Variants in AHNAK observed in about 807,000 individuals in gnomAD.
AHNAK encodes the protein neuroblast differentiation-associated protein AHNAK.
In AHNAK, 23 loss-of-function variants were observed where a neutral mutation model predicts 37.8. The ratio of observed to expected loss-of-function variants is 0.61; its 90% CI spans 0.44 to 0.86. The LOEUF (loss-of-function observed/expected upper bound fraction) is 0.86. AHNAK is among the 40% of genes least tolerant of loss of function. AHNAK has a pLI of 0.00. For synonymous variants in AHNAK, 2,481 were observed against 2,636.3 expected, an observed-to-expected ratio of 0.94 and a Z score of 1.80; for missense variants, 7,411 against 7,319.4, an observed-to-expected ratio of 1.01 and a Z score of -0.46.
In AHNAK at chr11:62,532,982, G is replaced by A. The variant is rs777539524; in HGVS notation, c.1435C>T (p.Leu479=). 1 of 1,613,998 alleles carries A rather than the reference G, an allele frequency of 6.2e-7. No individual in the cohort carries two copies. Among genetic ancestry groups the A allele is most frequent in the Non-Finnish European group, 8.5e-7 (1 of 1,180,008 alleles). ...VSLPEIATGG[L]EGKMKGTKVK... Reference sequence around the variant, plus strand: ...TTAGTACCTTTCATCTTTCCTTCCAGCCCACCAGTAGCAATCTCAGGCAGG... The same window carrying A: ...TTAGTACCTTTCATCTTTCCTTCCAACCCACCAGTAGCAATCTCAGGCAGG... The change falls in exon 5 of 5, where the codon CTG becomes TTG. Residue 479 remains leucine, a synonymous_variant. Coordinates refer to ENST00000378024, the MANE Select transcript of AHNAK (RefSeq NM_001620.3).
chr11:62,439,665 ATT>A (rs34334316), intron 5 of AHNAK, among the ~76,000 whole-genome samples: 2,376 of 83,150 alleles, frequency 0.029, 57 homozygotes, highest in African/African-American at 0.077. Context: ...TTTTTGTGTG[ATT>A]TTTTTTTTTT....
chr11:62,468,367 A>T lies in AHNAK; in HGVS notation c.442+23365T>A, dbSNP rs879708812. On this transcript the variant is annotated intron_variant, in intron 5 of 5. Transcript: ENST00000257247. ...TGTCTCCCAAAAAAAAGAAAAAAAA[A>T]AAAAATATATATATATATGGGGATT... Among the ~76,000 whole-genome samples the T allele has an allele frequency of 3.4e-3, 489 of 145,118 alleles. 2 individuals carry two copies. Among genetic ancestry groups the T allele is most frequent in the African/African-American group, 0.011 (403 of 35,740 alleles).
chr11:62,516,050 A>G lies in AHNAK; in HGVS notation c.*694T>C. 1.7e-6 allele frequency: 2 copies of G among 1,194,486 alleles called. No homozygotes were observed. Among genetic ancestry groups the G allele is most frequent in the Non-Finnish European group, 2.1e-6 (2 of 943,432 alleles). The allele number at this position is 1,194,486 out of a possible 1,614,324, so 74.0% of individuals were successfully genotyped here. A position where few individuals can be genotyped will look rare whatever the true frequency, so the allele number is the denominator to read the frequency against. On this transcript the variant is annotated 3_prime_UTR_variant, in exon 5 of 5. Transcript: ENST00000378024. ...GAACTAATATCAGGAACATGGCGGCATGAAGGAAACAGTTCCCTTACAAAA... is the reference window on the plus strand; with the variant it reads ...GAACTAATATCAGGAACATGGCGGCGTGAAGGAAACAGTTCCCTTACAAAA...
rs761267394 is a variant in AHNAK at position 62,523,199 on chromosome 11, G to C, written c.11218C>G (p.Leu3740Val). Residue 3740 changes from leucine to valine, a missense_variant, in exon 5 of 5, where the codon CTG becomes GTG. Leu to Val is a conservative substitution (Grantham distance 32, BLOSUM62 1). Coordinates refer to ENST00000378024, the MANE Select transcript of AHNAK (RefSeq NM_001620.3). ...GGCATCGATATTTTGGGAGCCTTCA[G>C]GTGCATCTCTGGTATCTTAAATTTG... Reference protein sequence around the residue: ...GPKFKIPEMHLKAPKISMPDI... With the variant: ...GPKFKIPEMHVKAPKISMPDI... The C allele has an allele frequency of 6.2e-7, 1 of 1,613,158 alleles. No homozygotes were observed. Among genetic ancestry groups the C allele is most frequent in the Non-Finnish European group, 8.5e-7 (1 of 1,179,830 alleles).
chr11:62,529,936 A>G lies in AHNAK; in HGVS notation c.4481T>C (p.Ile1494Thr). ...ATGAACCTCCACATCTGGTGCATTA[A>G]TATCAACTTTGGGGCCTTTGATGTC... ...DVDIKGPKVD[I>T]NAPDVEVHGP... The change falls in exon 5 of 5, where the codon ATT becomes ACT. Residue 1494 changes from isoleucine (I) to threonine (T), a missense_variant. Coordinates refer to ENST00000378024, the MANE Select transcript of AHNAK (RefSeq NM_001620.3). 1.2e-6 allele frequency: 2 copies of G among 1,611,930 alleles called. No homozygotes were observed. Among genetic ancestry groups the G allele is most frequent in the Non-Finnish European group, 1.7e-6 (2 of 1,179,468 alleles).
chr11:62,473,801 G>A (rs1253505853), intron 5 of AHNAK, among the ~76,000 whole-genome samples: 1 of 152,042 alleles, frequency 6.6e-6, no homozygotes, highest in East Asian at 1.9e-4. Flanking sequence ...TTCCAGACCA[G>A]CCTGGACAAC....
In AHNAK at chr11:62,516,060, C is replaced by T; in HGVS notation, c.*684G>A. ...CAGGAACATGGCGGCATGAAGGAAACAGTTCCCTTACAAAACACAGAAAAT... is the reference window on the plus strand; with the variant it reads ...CAGGAACATGGCGGCATGAAGGAAATAGTTCCCTTACAAAACACAGAAAAT... On this transcript the variant is annotated 3_prime_UTR_variant, in exon 5 of 5. Transcript: ENST00000378024. The T allele has an allele frequency of 8.3e-7, 1 of 1,206,318 alleles. No homozygotes were observed. The highest frequency in any genetic ancestry group is 1.1e-6 in the Non-Finnish European group (1 of 948,664). The allele number at this position is 1,206,318 out of a possible 1,614,324, so 74.7% of individuals were successfully genotyped here. A position where few individuals can be genotyped will look rare whatever the true frequency, so the allele number is the denominator to read the frequency against.
chr11:62,515,108 C>G (rs1409250290), downstream of AHNAK, among the ~76,000 whole-genome samples: 1 of 152,210 alleles, frequency 6.6e-6, no homozygotes, highest in East Asian at 1.9e-4. Flanking sequence ...ACTCCTCCCC[C>G]ACCCCCACAT....
exon 6 of AHNAK, chr11:62,433,856 G>A: frequency 1.2e-6 from 2 of 1,613,750 alleles, no homozygotes; most frequent in Non-Finnish European, 1.7e-6. Context: ...ACAACCTTAA[G>A]AGGGGGTGGT....
Position 62,516,000 on chromosome 11 carries a change from G to A in AHNAK, c.*744C>T. 2 of 1,169,466 alleles carry A rather than the reference G, an allele frequency of 1.7e-6. No individual in the cohort carries two copies. Among genetic ancestry groups the A allele is most frequent in the Non-Finnish European group, 2.1e-6 (2 of 930,448 alleles). The allele number at this position is 1,169,466 out of a possible 1,614,324, so 72.4% of individuals were successfully genotyped here. ...AAGTGCTGGAAATTTTCTTAATCAT[G>A]ATAACATTTGTTAAAAAGAAATCAG... On this transcript the variant is annotated 3_prime_UTR_variant, in exon 5 of 5. Coordinates refer to ENST00000378024, the MANE Select transcript of AHNAK (RefSeq NM_001620.3).
At position 62,534,037 on chromosome 11, in the gene AHNAK, G is replaced by A. The variant is rs369654662; in HGVS notation, c.380C>T (p.Thr127Met). 68 of 1,571,832 alleles carry A rather than the reference G, an allele frequency of 4.3e-5. No individual in the cohort carries two copies. Among genetic ancestry groups the A allele is most frequent in the Non-Finnish European group, 5.4e-5 (62 of 1,157,862 alleles). ...CGACTTCAGCCGTGGCTTGATCTTC[G>A]TGGTGTAGATGCGCTGGTACTCCTC... ...DDEEYQRIYTTKIKPRLKSED... is the reference protein window; with the variant it reads ...DDEEYQRIYTMKIKPRLKSED... The change falls in exon 5 of 5, where the codon ACG becomes ATG. Residue 127 changes from threonine (T) to methionine (M), a missense_variant. Thr to Met is a moderately conservative substitution (Grantham distance 81, BLOSUM62 -1). Coordinates refer to ENST00000378024, the MANE Select transcript of AHNAK (RefSeq NM_001620.3).
At chr11:62,453,896 C>T (rs569644094) in intron 5 of AHNAK, among the ~76,000 whole-genome samples, 2 of 151,950 alleles carry the variant, frequency 1.3e-5, no homozygotes, top group South Asian at 2.1e-4. Context: ...TCGAGGCAGG[C>T]GGATCACAAG....
chr11:62,449,904 A>G (rs945851793), intron 5 of AHNAK, among the ~76,000 whole-genome samples: 1 of 152,050 alleles, frequency 6.6e-6, no homozygotes, highest in African/African-American at 2.4e-5. Flanking sequence ...TGTGAATATG[A>G]TTATGATTAA....
chr11:62,481,640 C>T (rs961621553), intron 5 of AHNAK, among the ~76,000 whole-genome samples: 15 of 33,690 alleles, frequency 4.5e-4, no homozygotes, highest in African/African-American at 6.0e-4. Flanking sequence ...TGCAGTGACA[C>T]GATCTTGGCT....
intron 2 of AHNAK, 91 bp from the exon 3 acceptor site, chr11:62,536,189 T>C (rs1210448911): frequency 4.3e-6 from 6 of 1,395,522 alleles, no homozygotes; most frequent in Non-Finnish European, 4.8e-6. Flanking sequence ...CGCTGTGAAC[T>C]CCAGGGAGTG....
chr11:62,475,848 G>A (rs960103818), intron 5 of AHNAK, among the ~76,000 whole-genome samples: 3 of 151,730 alleles, frequency 2.0e-5, no homozygotes, highest in Admixed American at 6.6e-5. Flanking sequence ...CAGGTGATCC[G>A]CCCGCCTCAG....
At chr11:62,488,409 T>A (rs893536860) in intron 5 of AHNAK, among the ~76,000 whole-genome samples, 2 of 151,782 alleles carry the variant, frequency 1.3e-5, no homozygotes, top group African/African-American at 4.8e-5. Context: ...TAGCTTTTTT[T>A]TTTTTTTCCA....
intron 5 of AHNAK, among the ~76,000 whole-genome samples, chr11:62,472,674 A>G (rs895462363): frequency 5.3e-5 from 8 of 152,102 alleles, no homozygotes; most frequent in Non-Finnish European, 1.2e-4. Context: ...CCAGACTCCT[A>G]CATGAGAACT....
At position 62,524,665 on chromosome 11, in the gene AHNAK, G is replaced by A; in HGVS notation, c.9752C>T (p.Pro3251Leu). 1.2e-6 allele frequency: 2 copies of A among 1,614,190 alleles called. No individual in the cohort carries two copies. The highest frequency in any genetic ancestry group is 1.7e-6 in the Non-Finnish European group (2 of 1,180,050). Residue 3251 changes from proline (P) to leucine (L), a missense_variant, in exon 5 of 5, where the codon CCT becomes CTT. Coordinates refer to ENST00000378024, the MANE Select transcript of AHNAK (RefSeq NM_001620.3). ...LANVEGDLKG[P>L]ALDIKGPKID... ...CTTTGGGCCTTTTATGTCAAGAGCA[G>A]GTCCTTTCAAATCACCTTCTACATT...
Sources: allele counts gnomAD v4.1 joint callset (sites outside exome capture counted in the v4.1 genomes callset), GRCh38; gene constraint gnomAD v4.1.1; transcripts MANE v1.5; gene names NCBI Gene and HGNC (gene_info 2026-07-23, HGNC 2026-07-21).